PC: variants seen among roughly 807,000 people sequenced by gnomAD.
PC encodes the protein pyruvate carboxylase, mitochondrial.
PC carries 46 observed loss-of-function variants against 107.8 expected under a neutral mutation model. That is an observed-to-expected ratio of 0.43 (90% CI 0.34 to 0.55). The LOEUF (loss-of-function observed/expected upper bound fraction) is 0.55. Among genes scored for constraint, PC ranks in the 20% least tolerant of loss-of-function variants. The pLI, the probability that PC is intolerant of heterozygous loss-of-function variation, is 0.04. For synonymous variants in PC, 662 were observed against 684.7 expected (o/e 0.97, Z 0.52); for missense variants, 1,241 against 1,643.1 (o/e 0.76, Z 4.23).
chr11:66,924,203 GAA>G (rs538266818), intron 3 of PC, among the ~76,000 whole-genome samples: 1 of 82,936 alleles, frequency 1.2e-5, no homozygotes, highest in Non-Finnish European at 2.5e-5. Flanking sequence ...CTCTATCTCA[GAA>G]AAAAAAAAAA....
intron 3 of PC, among the ~76,000 whole-genome samples, chr11:66,876,498 C>T (rs555642872): frequency 2.0e-5 from 3 of 152,226 alleles, no homozygotes; most frequent in African/African-American, 4.8e-5. Flanking sequence ...GAGGAGATAA[C>T]CTTAGGGAGT....
chr11:66,924,826 A>C (rs1235326049), intron 3 of PC, among the ~76,000 whole-genome samples: 2 of 152,178 alleles, frequency 1.3e-5, no homozygotes, highest in Non-Finnish European at 2.9e-5. Context: ...ACAATGAAGG[A>C]GGGGAGGTAT....
chr11:66,946,575 C>G (rs985463723), intron 3 of PC, among the ~76,000 whole-genome samples: 1 of 152,046 alleles, frequency 6.6e-6, no homozygotes, highest in African/African-American at 2.4e-5. Context: ...AGGCCAAGAT[C>G]ATGAAACCGC....
chr11:66,871,803 C>A lies in PC; in HGVS notation c.205G>T (p.Glu69Ter). ...LGIRTVAIYS[E>*]QDTGQMHRQK... ...CGGTGCATCTGGCCCGTGTCCTGCT[C>A]AGAGTAGATGGCTACGGTGCGGATG... The change falls in exon 5 of 23, where the codon GAG becomes TAG. Residue 69 changes from glutamate to a stop codon, truncating the protein, a stop_gained. Transcript: ENST00000393960. LOFTEE classifies it high-confidence loss of function. This position sits in a 1 kb window ranked among gnomAD's most constrained non-coding sequence, Gnocchi z 7.4. 1 of 1,608,722 alleles carries A rather than the reference C, an allele frequency of 6.2e-7. No individual in the cohort carries two copies.
intron 10 of PC, among the ~76,000 whole-genome samples, chr11:66,867,884 G>A (rs368850267): frequency 6.6e-5 from 10 of 152,346 alleles, no homozygotes; most frequent in African/African-American, 1.9e-4. Flanking sequence ...CAGCCACCCC[G>A]ACAGCATCCT....
At chr11:66,862,369 G>A (rs1156628279) in intron 12 of PC, among the ~76,000 whole-genome samples, 4 of 152,180 alleles carry the variant, frequency 2.6e-5, no homozygotes, top group Non-Finnish European at 4.4e-5. Context: ...GGGCTCTTGC[G>A]ACCAAGCAGC....
chr11:66,867,672 C>G (rs2135923993), intron 10 of PC, among the ~76,000 whole-genome samples: 1 of 152,346 alleles, frequency 6.6e-6, no homozygotes, highest in African/African-American at 2.4e-5. Context: ...CTGAGAGCAC[C>G]TGAGCCCCAA....
chr11:66,937,592 G>A (rs993293489), intron 3 of PC, among the ~76,000 whole-genome samples: 9 of 151,722 alleles, frequency 5.9e-5, no homozygotes, highest in Admixed American at 1.3e-4. Context: ...TTTGTGTGAC[G>A]GTGCACCATG....
chr11:66,870,152 G>A lies in PC; in HGVS notation c.903+150C>T. On this transcript the variant is annotated intron_variant, in intron 9 of 22. Transcript: ENST00000393960. The surrounding 1 kb of genome is among the most constrained non-coding windows in gnomAD (Gnocchi z 6.1). ...GGAAGGATGCCACAAACCCACTTCT[G>A]GCCCCCAGGAGAGTCCTTCACCCTC... 1 of 963,108 alleles carries A rather than the reference G, an allele frequency of 1.0e-6. No individual in the cohort carries two copies. Among genetic ancestry groups the A allele is most frequent in the Non-Finnish European group, 1.6e-6 (1 of 632,300 alleles). The allele number at this position is 963,108 out of a possible 1,614,324, so 59.7% of individuals were successfully genotyped here. A position where few individuals can be genotyped will look rare whatever the true frequency, so the allele number is the denominator to read the frequency against.
chr11:66,879,541 G>A (rs1057059827), intron 3 of PC, among the ~76,000 whole-genome samples: 1 of 152,202 alleles, frequency 6.6e-6, no homozygotes, highest in African/African-American at 2.4e-5. Flanking sequence ...TCTTCTGCCT[G>A]AGGTTACTGG....
At chr11:66,854,308 C>T (rs1945678839) in intron 12 of PC, among the ~76,000 whole-genome samples, 1 of 152,250 alleles carries the variant, frequency 6.6e-6, no homozygotes, top group Non-Finnish European at 1.5e-5. Flanking sequence ...TCTCAAGGGC[C>T]TTCGCCCTGT....
chr11:66,872,669 A>G (rs1251035590), intron 3 of PC, among the ~76,000 whole-genome samples: 2 of 151,866 alleles, frequency 1.3e-5, no homozygotes, highest in African/African-American at 2.4e-5. Context: ...CAGGAGGCAG[A>G]GCTTGCAGCG....
At chr11:66,905,839 C>T (rs1213885693) in intron 3 of PC, among the ~76,000 whole-genome samples, 3 of 152,142 alleles carry the variant, frequency 2.0e-5, no homozygotes, top group Admixed American at 6.6e-5. Flanking sequence ...CCACGGGTGC[C>T]TGGGCTGCCC....
chr11:66,954,817 C>T (rs1949519869), intron 1 of PC, among the ~76,000 whole-genome samples: 1 of 152,120 alleles, frequency 6.6e-6, no homozygotes, highest in Non-Finnish European at 1.5e-5. Flanking sequence ...AGGGTTGGTG[C>T]CTGTAATCCC....
chr11:66,889,720 G>GA (rs146207026), intron 3 of PC, among the ~76,000 whole-genome samples: 8,428 of 151,504 alleles, frequency 0.056, 391 homozygotes, highest in East Asian at 0.14. Context: ...TACCAAAAGG[G>GA]AAAAAAAACC....
chr11:66,924,524 C>T (rs78046449), intron 3 of PC, among the ~76,000 whole-genome samples: 3,078 of 152,248 alleles, frequency 0.02, 115 homozygotes, highest in African/African-American at 0.07. Flanking sequence ...CATCTCAGCT[C>T]ACTATAATCT....
intron 3 of PC, among the ~76,000 whole-genome samples, chr11:66,946,695 G>A (rs1949303858): frequency 1.3e-5 from 2 of 152,220 alleles, no homozygotes; most frequent in Middle Eastern, 3.4e-3. Flanking sequence ...AGGCTGAGAT[G>A]GGAGGATCGC....
In PC at chr11:66,901,332, G is replaced by A. The variant is rs374612022; in HGVS notation, c.1-29173C>T. ...AGGTAGGAGGCGGTGGAGAGAGAAC[G>A]TGGGGTGTGCCTTCCTCACTCTCTA... On this transcript the variant is annotated intron_variant, in intron 3 of 22. Coordinates refer to ENST00000393960, the MANE Select transcript of PC (RefSeq NM_001040716.2). 2.0e-5 allele frequency among the ~76,000 whole-genome samples: 3 copies of A among 152,188 alleles called. No homozygotes were observed. In the East Asian group the frequency reaches 5.8e-4, roughly 29 times the overall value.
At position 66,925,565 on chromosome 11, in the gene PC, C is replaced by A. The variant is rs58075111; in HGVS notation, c.-1+26865G>T. ...GTTATCCTGTTCTTTTTTCAAGGTG[C>A]CCAGATTTCATATTGTTCAAACACA... On this transcript the variant is annotated intron_variant, in intron 3 of 22. Coordinates refer to ENST00000393960, the MANE Select transcript of PC (RefSeq NM_001040716.2). Among the ~76,000 whole-genome samples the A allele has an allele frequency of 5.3e-3, 809 of 152,132 alleles. 6 individuals are homozygous for A. The highest frequency in any genetic ancestry group is 0.018 in the African/African-American group (764 of 41,494).
Sources: allele counts gnomAD v4.1 joint callset (sites outside exome capture counted in the v4.1 genomes callset), GRCh38; gene constraint gnomAD v4.1.1; non-coding constraint Gnocchi (gnomAD v3.1); transcripts MANE v1.5; gene names NCBI Gene and HGNC (gene_info 2026-07-23, HGNC 2026-07-21).